The following CASR variants were observed in gnomAD, a reference collection of about 807,000 sequenced individuals.
CASR encodes the protein calcium sensing receptor, also known as extracellular calcium-sensing receptor.
Under a neutral mutation model 69.1 loss-of-function variants are expected in CASR, and 23 were observed. The observed-to-expected ratio is 0.33, with a 90% confidence interval of 0.24 to 0.47. The LOEUF is 0.47. Ranked by LOEUF, CASR falls within the 20% of genes least tolerant of loss-of-function variation. The probability of loss-of-function intolerance (pLI) is 1.00; values close to 1 mark genes in which losing one functional copy is unlikely to be tolerated. For synonymous variants in CASR, 541 were observed against 544.7 expected (o/e 0.99, Z 0.10); for missense variants, 924 against 1,356.1 (o/e 0.68, Z 5.00).
intron 1 of CASR, among the ~76,000 whole-genome samples, chr3:122,239,807 C>G (rs934310137): frequency 2.6e-5 from 4 of 152,050 alleles, no homozygotes; most frequent in Non-Finnish European, 4.4e-5. Flanking sequence ...GGGTCTTATC[C>G]AAGACCCCTA....
rs201717089 is a variant in CASR, at chr3:122,285,468, T to C, written c.*277T>C. 24 of 431,902 alleles carry C rather than the reference T, an allele frequency of 5.6e-5. No homozygotes were observed. Among genetic ancestry groups the C allele is most frequent in the Non-Finnish European group, 9.9e-5 (23 of 231,786 alleles). The allele number at this position is 431,902 out of a possible 1,614,324, so 26.8% of individuals were successfully genotyped here. A position where few individuals can be genotyped will look rare whatever the true frequency, so the allele number is the denominator to read the frequency against. ...CTGTTCACCCACATCTAATGTCTCT[T>C]CCTCTGTTCTATCCCACCCAACAGC... On this transcript the variant is annotated 3_prime_UTR_variant, in exon 7 of 7. Transcript: ENST00000639785.
intron 5 of CASR, among the ~76,000 whole-genome samples, chr3:122,277,048 CT>C (rs11341423): frequency 0.16 from 20,770 of 129,246 alleles, 1,225 homozygotes; most frequent in Admixed American, 0.22. Context: ...GACCACTTTT[CT>C]TTTTTTTTTT....
intron 1 of CASR, among the ~76,000 whole-genome samples, chr3:122,200,994 C>CTTTTT (rs67815991): frequency 0.023 from 1,853 of 80,772 alleles, 31 homozygotes; most frequent in African/African-American, 0.036. Flanking sequence ...CATTGCTTTT[C>CTTTTT]TTTTTTTTTT....
At chr3:122,281,683 G>T (rs2107647890) in intron 5 of CASR, among the ~76,000 whole-genome samples, 1 of 152,022 alleles carries the variant, frequency 6.6e-6, no homozygotes, top group African/African-American at 2.4e-5. Flanking sequence ...TTATAGATTT[G>T]TCTAATATTA....
chr3:122,284,156 G>T lies in CASR; in HGVS notation c.2202G>T (p.Met734Ile). ...QFLLVFLCTF[M>I]QIVICVIWLY... The stretch of plus-strand genomic sequence containing the variant: ...TGCTGGTTTTCCTCTGCACCTTCAT[G>T]CAGATTGTCATCTGTGTGATCTGGC... Residue 734 changes from methionine (M) to isoleucine (I), a missense_variant, in exon 7 of 7, where the codon ATG (methionine) becomes ATT (isoleucine). Met to Ile is a conservative substitution (Grantham distance 10). Transcript: ENST00000639785. 1 of 1,613,512 alleles carries T rather than the reference G, an allele frequency of 6.2e-7. No homozygotes were observed. Among genetic ancestry groups the T allele is most frequent in the Non-Finnish European group, 8.5e-7 (1 of 1,179,540 alleles).
intron 5 of CASR, among the ~76,000 whole-genome samples, chr3:122,278,898 C>T (rs1221697041): frequency 6.6e-6 from 1 of 152,112 alleles, no homozygotes; most frequent in Non-Finnish European, 1.5e-5. Flanking sequence ...TATTTATACT[C>T]CTCTTTTTCT....
At chr3:122,217,462 A>T (rs945048479) in intron 1 of CASR, among the ~76,000 whole-genome samples, 1 of 152,218 alleles carries the variant, frequency 6.6e-6, no homozygotes, top group African/African-American at 2.4e-5. Context: ...GATAGATGGG[A>T]AAGGGGCAAG....
chr3:122,227,508 T>C (rs4678188), intron 1 of CASR, among the ~76,000 whole-genome samples: 109,111 of 152,132 alleles, frequency 0.72, 39,426 homozygotes, highest in Admixed American at 0.82. Flanking sequence ...CCAGAACTTG[T>C]GCTGGCCCGC....
chr3:122,272,091 GCACACA>G (rs35249463), intron 4 of CASR, among the ~76,000 whole-genome samples: 78 of 148,856 alleles, frequency 5.2e-4, no homozygotes, highest in African/African-American at 8.9e-4. Context: ...TCCTAGGAAT[GCACACA>G]CACACACACA....
At chr3:122,271,353 T>C (rs1056897111) in intron 4 of CASR, among the ~76,000 whole-genome samples, 6 of 152,160 alleles carry the variant, frequency 3.9e-5, no homozygotes, top group Admixed American at 3.3e-4. Context: ...CCACAAAGAT[T>C]CCAGAGTGCT....
rs1250498155 is a variant in CASR at position 122,288,195 on chromosome 3, A to G, written c.*3004A>G. The G allele has an allele frequency of 1.3e-5, 2 of 152,232 alleles. No homozygotes were observed. The allele number at this position is 152,232 out of a possible 1,614,324, so 9.4% of individuals were successfully genotyped here. A position where few individuals can be genotyped will look rare whatever the true frequency, so the allele number is the denominator to read the frequency against. On this transcript the variant is annotated 3_prime_UTR_variant, in exon 7 of 7. Transcript: ENST00000639785. ...AGTGTGAGAGCAATACAGTATGAGA[A>G]AAACACCACTGGCCTGTACTGCCTT... is the stretch of plus-strand genomic sequence containing the variant.
intron 4 of CASR, among the ~76,000 whole-genome samples, chr3:122,274,989 C>T (rs780926974): frequency 5.9e-5 from 9 of 152,242 alleles, no homozygotes; most frequent in South Asian, 2.1e-4. Flanking sequence ...CAATTAAGAG[C>T]GCAGGATTGT....
intron 1 of CASR, among the ~76,000 whole-genome samples, chr3:122,238,275 C>G (rs1198932672): frequency 6.6e-6 from 1 of 152,136 alleles, no homozygotes; most frequent in Non-Finnish European, 1.5e-5. Context: ...GACTGGGCCA[C>G]TTGGCACTGA....
At chr3:122,205,486 G>T (rs2073997835) in intron 1 of CASR, among the ~76,000 whole-genome samples, 1 of 152,016 alleles carries the variant, frequency 6.6e-6, no homozygotes, top group Non-Finnish European at 1.5e-5. Flanking sequence ...TAGCTTTGTA[G>T]TAAATTTTAA....
intron 1 of CASR, among the ~76,000 whole-genome samples, chr3:122,217,811 A>G (rs1054889821): frequency 1.3e-5 from 2 of 151,678 alleles, no homozygotes; most frequent in Admixed American, 6.6e-5. Context: ...CCTGCCACAG[A>G]AAAAAAAATG....
At chr3:122,209,000 C>G (rs1393999809) in intron 1 of CASR, among the ~76,000 whole-genome samples, 1 of 152,148 alleles carries the variant, frequency 6.6e-6, no homozygotes, top group Non-Finnish European at 1.5e-5. Flanking sequence ...ATACCATTTC[C>G]CCTGAAACCT....
intron 1 of CASR, among the ~76,000 whole-genome samples, chr3:122,252,420 A>G (rs1465292842): frequency 8.1e-5 from 7 of 86,404 alleles, no homozygotes; most frequent in East Asian, 2.4e-4. Flanking sequence ...AAAGAAAGAA[A>G]GAAAGAAAGA....
chr3:122,276,810 A>G (rs1480863460), intron 5 of CASR, among the ~76,000 whole-genome samples: 1 of 152,024 alleles, frequency 6.6e-6, no homozygotes, highest in East Asian at 1.9e-4. Context: ...CCAGAAGCCC[A>G]CCCCTCAGTC....
At chr3:122,245,699 G>T (rs953632491) in intron 1 of CASR, among the ~76,000 whole-genome samples, 2 of 152,126 alleles carry the variant, frequency 1.3e-5, no homozygotes, top group South Asian at 4.1e-4. Flanking sequence ...GTTACTATGG[G>T]TGTTTTTTGT....
Sources: gnomAD v4.1 joint callset for allele counts (sites outside exome capture counted in the v4.1 genomes callset) on GRCh38, gnomAD v4.1.1 for gene constraint, MANE v1.5 for transcripts, NCBI Gene and HGNC (gene_info 2026-07-23, HGNC 2026-07-21) for gene names.